PALM2AKAP2: variants seen among roughly 807,000 people sequenced by gnomAD.
PALM2AKAP2 encodes PALM2 and AKAP2 fusion.
In PALM2AKAP2, 37 loss-of-function variants were observed where a neutral mutation model predicts 71.5. That is an observed-to-expected ratio of 0.52 (90% CI 0.40 to 0.68). The LOEUF (loss-of-function observed/expected upper bound fraction) is 0.68. Ranked by LOEUF, PALM2AKAP2 falls within the 30% of genes least tolerant of loss-of-function variation. PALM2AKAP2 has a pLI of 0.00. For missense variants in PALM2AKAP2, 1,224 were observed against 1,191.8 expected, an observed-to-expected ratio of 1.03 and a Z score of -0.40; for synonymous variants, 468 against 478.8, an observed-to-expected ratio of 0.98 and a Z score of 0.29.
At chr9:109,780,167 G>C (rs1272363107), upstream of PALM2AKAP2, 19 of 456,620 alleles carry the variant, frequency 4.2e-5, no homozygotes, top group Non-Finnish European at 4.9e-5. Flanking sequence ...AACTAGCGCC[G>C]GGCTAGCGCG....
intron 2 of PALM2AKAP2, among the ~76,000 whole-genome samples, chr9:109,874,623 T>C (rs974214479): frequency 2.6e-5 from 4 of 152,226 alleles, no homozygotes; most frequent in Non-Finnish European, 4.4e-5. Flanking sequence ...CAGTCTTCCA[T>C]GTTCAACTGC....
chr9:109,685,805 T>C (rs1343393664), intron 1 of PALM2AKAP2, among the ~76,000 whole-genome samples: 4 of 152,210 alleles, frequency 2.6e-5, no homozygotes, highest in African/African-American at 9.6e-5. Flanking sequence ...GCTGCATTGA[T>C]GGACTTTTCC....
intron 3 of PALM2AKAP2, among the ~76,000 whole-genome samples, chr9:109,882,523 A>G (rs1046145683): frequency 3.9e-5 from 6 of 152,248 alleles, no homozygotes; most frequent in African/African-American, 1.4e-4. Flanking sequence ...ACTGTTACCA[A>G]CCATTTATAT....
chr9:109,785,843 G>C (rs183385184), intron 1 of PALM2AKAP2, among the ~76,000 whole-genome samples: 1 of 152,340 alleles, frequency 6.6e-6, no homozygotes, highest in East Asian at 1.9e-4. Flanking sequence ...AGGGTGCTTT[G>C]ATACGGGCTG....
intron 6 of PALM2AKAP2, among the ~76,000 whole-genome samples, chr9:109,968,314 CCTT>C (rs768059098): frequency 2.0e-4 from 31 of 152,284 alleles, no homozygotes; most frequent in Middle Eastern, 3.4e-3. Flanking sequence ...TGGGAAACCT[CCTT>C]CTTCCACTAA....
intron 1 of PALM2AKAP2, among the ~76,000 whole-genome samples, chr9:110,086,110 A>C (rs1243660923): frequency 1.3e-5 from 2 of 151,378 alleles, no homozygotes; most frequent in Non-Finnish European, 3.0e-5. Flanking sequence ...CCATCTCAAA[A>C]AAAAAAAAAA....
At chr9:109,699,276 G>A (rs1294947710) in intron 1 of PALM2AKAP2, among the ~76,000 whole-genome samples, 1 of 152,210 alleles carries the variant, frequency 6.6e-6, no homozygotes, top group African/African-American at 2.4e-5. Flanking sequence ...CAACACAGCT[G>A]TTAGTAGAAT....
At chr9:109,649,586 T>A (rs2132231364) in intron 1 of PALM2AKAP2, among the ~76,000 whole-genome samples, 1 of 152,366 alleles carries the variant, frequency 6.6e-6, no homozygotes, top group South Asian at 2.1e-4. Flanking sequence ...GGGCTATTTT[T>A]CTGAAATGTA....
chr9:109,866,649 C>T (rs868184787), intron 1 of PALM2AKAP2, among the ~76,000 whole-genome samples: 1 of 152,120 alleles, frequency 6.6e-6, no homozygotes, highest in South Asian at 2.1e-4. Context: ...CAGCAAATAA[C>T]ATTGAGCACT....
At chr9:109,783,048 C>T (rs1048537862) in intron 1 of PALM2AKAP2, among the ~76,000 whole-genome samples, 8 of 152,084 alleles carry the variant, frequency 5.3e-5, no homozygotes, top group African/African-American at 1.9e-4. Context: ...CTTACTTGGG[C>T]TTCTCTCTCA....
chr9:110,054,837 G>A (rs1010691192), intron 1 of PALM2AKAP2, among the ~76,000 whole-genome samples: 3 of 152,176 alleles, frequency 2.0e-5, no homozygotes, highest in Non-Finnish European at 2.9e-5. Context: ...CTCCCAAGCA[G>A]TTCCACAATT....
At chr9:110,149,923 A>G (rs1438899655) in intron 2 of PALM2AKAP2, among the ~76,000 whole-genome samples, 2 of 152,228 alleles carry the variant, frequency 1.3e-5, no homozygotes, top group African/African-American at 4.8e-5. Flanking sequence ...GCTTTTTAAA[A>G]GTTAGACCTG....
chr9:110,167,902 G>A (rs916215221), intron 3 of PALM2AKAP2, among the ~76,000 whole-genome samples: 1 of 152,074 alleles, frequency 6.6e-6, no homozygotes, highest in African/African-American at 2.4e-5. Flanking sequence ...GTCACATGGA[G>A]CTATTCAAAT....
At chr9:109,816,685 T>C (rs1827862891) in intron 1 of PALM2AKAP2, among the ~76,000 whole-genome samples, 1 of 152,190 alleles carries the variant, frequency 6.6e-6, no homozygotes, top group African/African-American at 2.4e-5. Context: ...GGATTTCATA[T>C]AGCTCCTGTG....
chr9:109,751,316 T>C (rs951448436), intron 1 of PALM2AKAP2, among the ~76,000 whole-genome samples: 1 of 152,212 alleles, frequency 6.6e-6, no homozygotes, highest in Admixed American at 6.6e-5. Flanking sequence ...GATGTTTACA[T>C]TGAAACCAGA....
upstream of PALM2AKAP2, among the ~76,000 whole-genome samples, chr9:110,047,126 T>G (rs1315836318): frequency 1.3e-5 from 2 of 151,612 alleles, no homozygotes; most frequent in Non-Finnish European, 2.9e-5. Flanking sequence ...AAAAGTTGAG[T>G]CAAGGCTGAA....
At chr9:110,016,519 C>A (rs1832982864) in intron 7 of PALM2AKAP2, among the ~76,000 whole-genome samples, 1 of 152,182 alleles carries the variant, frequency 6.6e-6, no homozygotes, top group Non-Finnish European at 1.5e-5. Context: ...AGGAAGGCAG[C>A]ACATGGCCCA....
At chr9:110,162,429 G>A (rs553248056) in intron 3 of PALM2AKAP2, among the ~76,000 whole-genome samples, 1 of 152,188 alleles carries the variant, frequency 6.6e-6, no homozygotes, top group South Asian at 2.1e-4. Flanking sequence ...GAGGACACAA[G>A]TGATGGGCTA....
chr9:110,088,703 G>GTTTTGTTT (rs1834628901), intron 1 of PALM2AKAP2, among the ~76,000 whole-genome samples: 75 of 75,640 alleles, frequency 9.9e-4, no homozygotes, highest in Non-Finnish European at 1.4e-3. Context: ...GCATTTACGT[G>GTTTTGTTT]TTTTTTTTTT....
Sources: gnomAD v4.1 joint callset for allele counts (sites outside exome capture counted in the v4.1 genomes callset) on GRCh38, gnomAD v4.1.1 for gene constraint, MANE v1.5 for transcripts, NCBI Gene and HGNC (gene_info 2026-07-23, HGNC 2026-07-21) for gene names.